The following CAPN8 variants were observed in gnomAD, a reference collection of about 807,000 sequenced individuals.
The protein encoded by CAPN8 is calpain 8, also known as calpain-8.
A neutral mutation model predicts 80.9 loss-of-function variants in CAPN8; 87 were observed. That is an observed-to-expected ratio of 1.07 (90% CI 0.90 to 1.28). The LOEUF (loss-of-function observed/expected upper bound fraction) is 1.28. CAPN8 is among the 50% of genes most tolerant of loss of function. The probability of loss-of-function intolerance (pLI) is 0.00; values close to 1 mark genes in which losing one functional copy is unlikely to be tolerated. For missense variants in CAPN8, 757 were observed against 702.0 expected (o/e 1.08, Z -0.89); for synonymous variants, 299 against 273.8 (o/e 1.09, Z -0.91).
intron 7 of CAPN8, among the ~76,000 whole-genome samples, chr1:223,621,190 G>T (rs1212293155): frequency 6.6e-6 from 1 of 151,684 alleles, no homozygotes; most frequent in Non-Finnish European, 1.5e-5. Flanking sequence ...AAAGATTAGG[G>T]CAGGAGTTGG....
intron 16 of CAPN8, among the ~76,000 whole-genome samples, chr1:223,547,653 T>A (rs969515424): frequency 3.3e-5 from 5 of 152,174 alleles, no homozygotes; most frequent in Admixed American, 3.3e-4. Flanking sequence ...TTTTAAGGAT[T>A]CCATGGGTAT....
intron 2 of CAPN8, chr1:223,642,621 CAG>C (rs903418736): frequency 2.0e-4 from 72 of 364,496 alleles, no homozygotes; most frequent in Non-Finnish European, 3.7e-4. Context: ...TACTTCAAAA[CAG>C]AGGAAAGAAC....
In CAPN8 at chr1:223,618,148, G is replaced by A. The variant is rs138237159; in HGVS notation, c.1135+1145C>T. Reference sequence around the variant, plus strand: ...AACAGATCAACAGCAAACCAGGCAGGGAACATGGGGAGCAGGAGGTGAAAA... The same window carrying A: ...AACAGATCAACAGCAAACCAGGCAGAGAACATGGGGAGCAGGAGGTGAAAA... On this transcript the variant is annotated intron_variant, in intron 9 of 20. Coordinates refer to ENST00000366872, the MANE Select transcript of CAPN8 (RefSeq NM_001143962.2). 6.0e-5 allele frequency: 83 copies of A among 1,379,470 alleles called. No homozygotes were observed. The African/African-American group carries it at 1.0e-3, about 17-fold the overall frequency. The allele number at this position is 1,379,470 out of a possible 1,614,324, so 85.5% of individuals were successfully genotyped here. A position where few individuals can be genotyped will look rare whatever the true frequency, so the allele number is the denominator to read the frequency against.
At chr1:223,654,842 ATTTTTT>A (rs35365292) in intron 1 of CAPN8, among the ~76,000 whole-genome samples, 5 of 111,736 alleles carry the variant, frequency 4.5e-5, no homozygotes, top group Non-Finnish European at 7.0e-5. Flanking sequence ...CACCCGGCTA[ATTTTTT>A]TTTTTTTTTT....
intron 1 of CAPN8, among the ~76,000 whole-genome samples, chr1:223,665,071 T>G (rs1157594050): frequency 1.3e-5 from 2 of 151,966 alleles, no homozygotes; most frequent in Non-Finnish European, 2.9e-5. Flanking sequence ...CTGACCAACA[T>G]GGAGAAACCC....
chr1:223,543,213 A>C (rs1245208322), intron 19 of CAPN8, 47 bp from the exon 20 acceptor site: 1 of 1,546,038 alleles, frequency 6.5e-7, no homozygotes. Flanking sequence ...CTGTTCCTGG[A>C]CTTTGGAACA....
chr1:223,616,499 C>T (rs1265512847), intron 9 of CAPN8, among the ~76,000 whole-genome samples: 1 of 152,266 alleles, frequency 6.6e-6, no homozygotes, highest in East Asian at 1.9e-4. Context: ...CTTAACATCA[C>T]CTTGCTCTCA....
chr1:223,558,010 TG>T, intron 13 of CAPN8, 120 bp downstream of exon 13: 1 of 395,262 alleles, frequency 2.5e-6, no homozygotes, highest in South Asian at 1.3e-4. Flanking sequence ...GAAAATGTTG[TG>T]GCCCTAACTA....
At chr1:223,663,321 T>C (rs1452534659) in intron 1 of CAPN8, among the ~76,000 whole-genome samples, 1 of 152,158 alleles carries the variant, frequency 6.6e-6, no homozygotes, top group Non-Finnish European at 1.5e-5. Flanking sequence ...CTTTGGTCTC[T>C]AAAGGAAAAT....
chr1:223,643,164 C>T (rs1455196857), intron 2 of CAPN8, among the ~76,000 whole-genome samples: 1 of 152,156 alleles, frequency 6.6e-6, no homozygotes, highest in East Asian at 1.9e-4. Context: ...CACTGAGATG[C>T]AATTGTTAGC....
At chr1:223,558,352 T>G (rs1452127225) in intron 12 of CAPN8, among the ~76,000 whole-genome samples, 185 bp from the exon 13 acceptor site, 1 of 152,120 alleles carries the variant, frequency 6.6e-6, no homozygotes, top group Non-Finnish European at 1.5e-5. Flanking sequence ...CTCCTCAACC[T>G]CCACCCCACC....
Position 223,542,574 on chromosome 1 carries a change from T to G in CAPN8, c.2088+534A>C, listed in dbSNP as rs1305070716. 3.3e-5 allele frequency among the ~76,000 whole-genome samples: 5 copies of G among 152,170 alleles called. 1 individual carries two copies. The highest frequency in any genetic ancestry group is 2.0e-4 in the Admixed American group (3 of 15,282). On this transcript the variant is annotated intron_variant, in intron 20 of 20. Transcript: ENST00000366872. ...CAATGCCTCCCCCTGCCTGGACCCT[T>G]GGAGACATCTCCACACTTCCTGCTG...
intron 2 of CAPN8, among the ~76,000 whole-genome samples, chr1:223,633,394 TA>T (rs71225286): frequency 2.7e-3 from 389 of 143,820 alleles, no homozygotes; most frequent in Middle Eastern, 3.5e-3. Context: ...AATGCTCTCT[TA>T]AAAAAAAAAA....
At chr1:223,652,029 G>A (rs1388071252) in intron 2 of CAPN8, among the ~76,000 whole-genome samples, 1 of 152,310 alleles carries the variant, frequency 6.6e-6, no homozygotes. Flanking sequence ...GTGCCTTTCA[G>A]TTGCTTTAAT....
At chr1:223,616,263 TGCCTAGTAAGCAG>T in intron 9 of CAPN8, 118 bp from the exon 10 acceptor site, 5 of 1,198,400 alleles carry the variant, frequency 4.2e-6, no homozygotes, top group Non-Finnish European at 5.7e-6. Flanking sequence ...ATCCAAACTG[TGCCTAGTAAGCAG>T]GCCTCAGAAA....
At chr1:223,545,351 A>G in intron 16 of CAPN8, 52 bp from the exon 17 acceptor site, 1 of 1,550,436 alleles carries the variant, frequency 6.4e-7, no homozygotes, top group Non-Finnish European at 8.7e-7. Context: ...CATGCCTTAT[A>G]GATTTCTTTC....
intron 1 of CAPN8, among the ~76,000 whole-genome samples, chr1:223,655,879 G>A (rs72747968): frequency 0.06 from 9,067 of 152,206 alleles, 309 homozygotes; most frequent in Non-Finnish European, 0.071. Context: ...ACATTTAATC[G>A]GTGGCATCCT....
At chr1:223,620,304 G>T in intron 7 of CAPN8, 38 bp from the exon 8 acceptor site, 1 of 1,532,696 alleles carries the variant, frequency 6.5e-7, no homozygotes. Context: ...GCTCCTGAGA[G>T]GTTCTACAAG....
intron 1 of CAPN8, among the ~76,000 whole-genome samples, chr1:223,660,906 C>T (rs534151533): frequency 6.6e-5 from 10 of 152,338 alleles, no homozygotes; most frequent in African/African-American, 2.4e-4. Flanking sequence ...ATAGCTCACA[C>T]CTGTAATCCC....
Sources: allele counts gnomAD v4.1 joint callset (sites outside exome capture counted in the v4.1 genomes callset), GRCh38; gene constraint gnomAD v4.1.1; transcripts MANE v1.5; gene names NCBI Gene and HGNC (gene_info 2026-07-23, HGNC 2026-07-21).